The following NRXN3 variants were observed in gnomAD, a reference collection of about 807,000 sequenced individuals.
NRXN3 encodes the protein neurexin 3.
A neutral mutation model predicts 137.6 loss-of-function variants in NRXN3; 32 were observed. The observed-to-expected ratio is 0.23, with a 90% CI of 0.18 to 0.31. The LOEUF (loss-of-function observed/expected upper bound fraction) is 0.31. NRXN3 is among the 10% of genes least tolerant of loss of function. NRXN3 has a pLI of 1.00. For missense variants in NRXN3, 1,574 were observed against 2,062.5 expected, an observed-to-expected ratio of 0.76 and a Z score of 4.59; for synonymous variants, 798 against 784.5, an observed-to-expected ratio of 1.02 and a Z score of -0.29.
At chr14:78,530,787 G>A (rs115176656) in intron 4 of NRXN3, among the ~76,000 whole-genome samples, 32 of 152,306 alleles carry the variant, frequency 2.1e-4, no homozygotes, top group African/African-American at 7.0e-4. Context: ...AGGTTTTACT[G>A]TATTTGGCTG....
At chr14:78,854,444 A>C (rs559977992) in intron 10 of NRXN3, among the ~76,000 whole-genome samples, 1 of 152,132 alleles carries the variant, frequency 6.6e-6, no homozygotes, top group Non-Finnish European at 1.5e-5. Flanking sequence ...AAGATCTGTT[A>C]GCCTCCATTA....
intron 4 of NRXN3, among the ~76,000 whole-genome samples, chr14:78,306,077 A>G (rs1462437988): frequency 6.6e-6 from 1 of 152,172 alleles, no homozygotes; most frequent in Non-Finnish European, 1.5e-5. Context: ...TGTTTCTTGG[A>G]GCATTCAAAA....
In NRXN3 at chr14:79,814,722, G is replaced by A. The variant is rs529188240; in HGVS notation, c.4093+9532G>A. Reference sequence around the variant, plus strand: ...AACTTTTCTTCAGGAGCAGATCAACGGAAGATGTTTTTCGGGAATTGTTAG... The same window carrying A: ...AACTTTTCTTCAGGAGCAGATCAACAGAAGATGTTTTTCGGGAATTGTTAG... On this transcript the variant is annotated intron_variant, in intron 20 of 20. Transcript: ENST00000335750. Among the ~76,000 whole-genome samples the A allele has an allele frequency of 1.3e-3, 203 of 152,220 alleles. 1 individual carries two copies. Among genetic ancestry groups the A allele is most frequent in the African/African-American group, 4.6e-3 (190 of 41,542 alleles).
chr14:79,303,506 TCTC>T (rs530320945), intron 15 of NRXN3, among the ~76,000 whole-genome samples: 104 of 152,152 alleles, frequency 6.8e-4, no homozygotes, highest in African/African-American at 2.4e-3. Flanking sequence ...TCTTGACATT[TCTC>T]CTCCACAACA....
At chr14:79,581,226 T>C (rs2095655982) in intron 16 of NRXN3, among the ~76,000 whole-genome samples, 1 of 152,170 alleles carries the variant, frequency 6.6e-6, no homozygotes, top group African/African-American at 2.4e-5. Context: ...TTAGGACATA[T>C]CTTTAGACCC....
chr14:79,406,651 T>C lies in NRXN3; in HGVS notation c.3263-60570T>C, dbSNP rs1029733675. Among the ~76,000 whole-genome samples the C allele has an allele frequency of 9.9e-5, 15 of 152,218 alleles. No homozygotes were observed. The South Asian group carries it at 2.9e-3, about 29-fold the overall frequency. On this transcript the variant is annotated intron_variant, in intron 15 of 20. Transcript: ENST00000335750. ...AGACCTAAAGAGGATTTTGACTATT[T>C]TGAAAATATATTCATATCTGTGTAT...
At chr14:78,774,941 A>G (rs1457836564) in intron 8 of NRXN3, among the ~76,000 whole-genome samples, 3 of 152,056 alleles carry the variant, frequency 2.0e-5, no homozygotes, top group African/African-American at 4.8e-5. Flanking sequence ...AAGAATAAAA[A>G]ATAGAGGTTA....
chr14:78,664,827 G>A (rs1331912708), intron 6 of NRXN3, among the ~76,000 whole-genome samples: 1 of 152,136 alleles, frequency 6.6e-6, no homozygotes, highest in African/African-American at 2.4e-5. Flanking sequence ...TATTCCCTCT[G>A]AAGTTAAACA....
chr14:78,492,597 C>T (rs1315694028), intron 4 of NRXN3, among the ~76,000 whole-genome samples: 1 of 152,082 alleles, frequency 6.6e-6, no homozygotes, highest in Non-Finnish European at 1.5e-5. Flanking sequence ...AATGGGTGTT[C>T]ACACACACAT....
intron 16 of NRXN3, among the ~76,000 whole-genome samples, chr14:79,615,699 G>C (rs142761872): frequency 6.6e-6 from 1 of 152,026 alleles, no homozygotes; most frequent in Non-Finnish European, 1.5e-5. Context: ...GAAAAGCCCC[G>C]TATAGAACCA....
intron 4 of NRXN3, among the ~76,000 whole-genome samples, chr14:78,478,276 C>G (rs531738839): frequency 6.7e-4 from 102 of 152,210 alleles, no homozygotes; most frequent in Middle Eastern, 3.4e-3. Flanking sequence ...GCACTAGATA[C>G]TGCAGTGCAC....
chr14:79,532,568 T>A (rs2097179175), intron 16 of NRXN3, among the ~76,000 whole-genome samples: 1 of 152,138 alleles, frequency 6.6e-6, no homozygotes, highest in South Asian at 2.1e-4. Flanking sequence ...TCATCTTCAG[T>A]TGTTACGACG....
chr14:79,809,663 C>G (rs1479366370), intron 20 of NRXN3, among the ~76,000 whole-genome samples: 2 of 152,118 alleles, frequency 1.3e-5, no homozygotes, highest in Non-Finnish European at 2.9e-5. Flanking sequence ...AGGCGAGGGT[C>G]TGGATTTTAA....
At chr14:79,711,268 C>A (rs2098803178) in intron 19 of NRXN3, among the ~76,000 whole-genome samples, 1 of 152,120 alleles carries the variant, frequency 6.6e-6, no homozygotes, top group Non-Finnish European at 1.5e-5. Context: ...TTGAGCCCCA[C>A]ACAACCAGAT....
chr14:78,256,780 A>C (rs774273103), intron 2 of NRXN3, among the ~76,000 whole-genome samples: 3 of 152,256 alleles, frequency 2.0e-5, no homozygotes, highest in Non-Finnish European at 2.9e-5. Context: ...GTAAATATAC[A>C]TCTGTTATGA....
chr14:78,289,751 T>C (rs932763875), intron 3 of NRXN3, among the ~76,000 whole-genome samples: 1 of 151,930 alleles, frequency 6.6e-6, no homozygotes, highest in Non-Finnish European at 1.5e-5. Flanking sequence ...CCGTCTCTAC[T>C]AAAAATACAG....
At chr14:78,234,994 TTATATA>T (rs57469863) in intron 1 of NRXN3, among the ~76,000 whole-genome samples, 1,317 of 108,774 alleles carry the variant, frequency 0.012, 55 homozygotes, top group African/African-American at 0.04. Context: ...ACAAATGCTT[TTATATA>T]TATATATATA....
chr14:78,556,508 T>C (rs185955606), intron 4 of NRXN3, among the ~76,000 whole-genome samples: 51 of 152,344 alleles, frequency 3.3e-4, no homozygotes, highest in South Asian at 1.2e-3. Flanking sequence ...TGGTATGTCA[T>C]ATGTAATAGG....
intron 4 of NRXN3, among the ~76,000 whole-genome samples, chr14:78,510,354 A>C (rs1190831576): frequency 6.6e-6 from 1 of 152,148 alleles, no homozygotes; most frequent in Non-Finnish European, 1.5e-5. Flanking sequence ...CTGGTTATTC[A>C]GAGTTTAATC....
Sources: gnomAD v4.1 joint callset for allele counts (sites outside exome capture counted in the v4.1 genomes callset) on GRCh38, gnomAD v4.1.1 for gene constraint, MANE v1.5 for transcripts, NCBI Gene and HGNC (gene_info 2026-07-23, HGNC 2026-07-21) for gene names.